TTF2: variants seen among roughly 807,000 people sequenced by gnomAD.
TTF2 encodes the protein transcription termination factor 2.
In TTF2, 108 loss-of-function variants were observed where a neutral mutation model predicts 142.4. That is an observed-to-expected ratio of 0.76 (90% CI 0.65 to 0.89). The LOEUF is 0.89. TTF2 is among the 40% of genes least tolerant of loss of function. The pLI, the probability that TTF2 is intolerant of heterozygous loss-of-function variation, is 0.00. For synonymous variants in TTF2, 483 were observed against 506.2 expected, an observed-to-expected ratio of 0.95 and a Z score of 0.61; for missense variants, 1,327 against 1,379.8, an observed-to-expected ratio of 0.96 and a Z score of 0.61.
chr1:117,077,783 A>T, intron 7 of TTF2, 133 bp from the exon 8 acceptor site: 1 of 1,250,012 alleles, frequency 8.0e-7, no homozygotes. Context: ...TGCTAGAGAC[A>T]TGGAAAGTTG....
intron 3 of TTF2, among the ~76,000 whole-genome samples, chr1:117,065,558 C>T (rs1357585658): frequency 3.3e-5 from 5 of 152,130 alleles, no homozygotes; most frequent in Admixed American, 1.3e-4. Flanking sequence ...GATCGCGCCA[C>T]CGCACTCCAG....
rs1294832038 is a variant in TTF2, at chr1:117,084,311, T to C, written c.2054+143T>C. ...AGACAGATCTTTAGTCTCGTCACCA[T>C]ACAGCCTTTGCGTTGTATCCTGAGG... is the stretch of plus-strand genomic sequence containing the variant. On this transcript the variant is annotated intron_variant, in intron 11 of 22. Transcript: ENST00000369466. The C allele has an allele frequency of 7.5e-6, 8 of 1,067,372 alleles. No homozygotes were observed. The Admixed American group carries it at 1.7e-4, about 23-fold the overall frequency. The allele number at this position is 1,067,372 out of a possible 1,614,324, so 66.1% of individuals were successfully genotyped here.
In TTF2 at chr1:117,093,918, G is replaced by A. The variant is rs1331658677; in HGVS notation, c.2976+1017G>A. Among the ~76,000 whole-genome samples the A allele has an allele frequency of 6.6e-6, 1 of 152,132 alleles. No individual in the cohort carries two copies. On this transcript the variant is annotated intron_variant, in intron 18 of 22. Coordinates refer to ENST00000369466, the MANE Select transcript of TTF2 (RefSeq NM_003594.4). This position sits in a 1 kb window ranked among gnomAD's most constrained non-coding sequence, Gnocchi z 4.5. ...TCTTACTGGAATTTGACCCCGGCTC[G>A]TGGGCCATAAATCCAGCCCTCCTGC...
rs1381915432 is a variant in TTF2, at chr1:117,077,919, A to T, written c.1577A>T (p.His526Leu). The part of the protein sequence containing the change: ...AGGSSQCYRG[H>L]TNQDHVHAVW... ...GGTAACACCTATTTGTATGCAGGCC[A>T]TACAAACCAAGATCACGTTCATGCA... Residue 526 changes from histidine to leucine, a missense_variant, in exon 8 of 23, where the codon CAT becomes CTT. Coordinates refer to ENST00000369466, the MANE Select transcript of TTF2 (RefSeq NM_003594.4). 4 of 1,614,178 alleles carry T rather than the reference A, an allele frequency of 2.5e-6. No homozygotes were observed. The highest frequency in any genetic ancestry group is 3.4e-6 in the Non-Finnish European group (4 of 1,179,998).
rs2101033279 is a variant in TTF2, at chr1:117,076,803, G to T, written c.1553G>T (p.Gly518Val). 5 of 1,613,286 alleles carry T rather than the reference G, an allele frequency of 3.1e-6. No individual in the cohort carries two copies. In the South Asian group the frequency reaches 5.5e-5, roughly 18 times the overall value. ...TCTGCCTGCCAGGTGACTGCTGGAG[G>T]ATCCAGTCAGTGCTATCGAGGTAAG... is the stretch of plus-strand genomic sequence containing the variant. ...LKSACQVTAG[G>V]SSQCYRGHTN... Residue 518 changes from glycine to valine, a missense_variant, in exon 7 of 23, where the codon GGA becomes GTA. Gly to Val is a moderately radical substitution (Grantham distance 109, BLOSUM62 -3). Transcript: ENST00000369466. This position sits in a 1 kb window ranked among gnomAD's most constrained non-coding sequence, Gnocchi z 4.6.
intron 8 of TTF2, 131 bp downstream of exon 8, chr1:117,078,174 T>C: frequency 8.3e-7 from 1 of 1,199,710 alleles, no homozygotes; most frequent in Non-Finnish European, 1.1e-6. Flanking sequence ...CCTTGCAGCA[T>C]CCTCTCCTTT....
At chr1:117,098,966 T>C in intron 22 of TTF2, 59 bp downstream of exon 22, 1 of 1,477,852 alleles carries the variant, frequency 6.8e-7, no homozygotes, top group Non-Finnish European at 9.3e-7. Context: ...TGAAAGTCTT[T>C]CTTTCTTAGG....
chr1:117,090,336 C>A lies in TTF2; in HGVS notation c.2496+128C>A, dbSNP rs894804828. 1 of 1,339,884 alleles carries A rather than the reference C, an allele frequency of 7.5e-7. No individual in the cohort carries two copies. Among genetic ancestry groups the A allele is most frequent in the Non-Finnish European group, 1.0e-6 (1 of 973,310 alleles). The allele number at this position is 1,339,884 out of a possible 1,614,324, so 83.0% of individuals were successfully genotyped here. On this transcript the variant is annotated intron_variant, in intron 14 of 22. Transcript: ENST00000369466. The surrounding 1 kb of genome is among the most constrained non-coding windows in gnomAD (Gnocchi z 4.8). ...AGTTTCCCATCCTCCTGTGAGGAGGCCCCAGGGTTGCAGTTCCATGCCTAG... is the reference window on the plus strand; with the variant it reads ...AGTTTCCCATCCTCCTGTGAGGAGGACCCAGGGTTGCAGTTCCATGCCTAG...
intron 8 of TTF2, 39 bp downstream of exon 8, chr1:117,078,082 A>G: frequency 6.3e-7 from 1 of 1,597,330 alleles, no homozygotes; most frequent in Non-Finnish European, 8.6e-7. Context: ...CCTCTATGAC[A>G]GTGCTCCAGC....
chr1:117,096,797 G>T (rs1194047551), intron 20 of TTF2, among the ~76,000 whole-genome samples: 2 of 152,196 alleles, frequency 1.3e-5, no homozygotes, highest in East Asian at 3.8e-4. Context: ...ATTCTAAAAA[G>T]AATCAAATAT....
In TTF2 at chr1:117,091,400, A is replaced by C. The variant is rs781000654; in HGVS notation, c.2661A>C (p.Pro887=). ...AATCTGGAAGAAGCCCTAATAATCC[A>C]TTCAGTAGAGGTAAGCTGTAGGACT... The part of the protein sequence containing the change: ...GNQSGRSPNN[P]FSRVALEFGS... Residue 887 remains proline, a synonymous_variant, in exon 16 of 23, where the codon CCA becomes CCC. Coordinates refer to ENST00000369466, the MANE Select transcript of TTF2 (RefSeq NM_003594.4). 70 of 1,612,996 alleles carry C rather than the reference A, an allele frequency of 4.3e-5. No individual in the cohort carries two copies. Among genetic ancestry groups the C allele is most frequent in the Non-Finnish European group, 6.8e-6 (8 of 1,179,794 alleles).
intron 22 of TTF2, 37 bp downstream of exon 22, chr1:117,098,944 A>C: frequency 6.4e-7 from 1 of 1,558,730 alleles, no homozygotes; most frequent in Non-Finnish European, 8.8e-7. Flanking sequence ...ACCCTTCTCA[A>C]CTTGTACTTT....
chr1:117,092,640 G>T lies in TTF2; in HGVS notation c.2806-91G>T. The T allele has an allele frequency of 7.0e-7, 1 of 1,423,128 alleles. No individual in the cohort carries two copies. Among genetic ancestry groups the T allele is most frequent in the South Asian group, 1.4e-5 (1 of 72,180 alleles). 88.2% of individuals were successfully genotyped at this position (1,423,128 alleles called of 1,614,324 possible). On this transcript the variant is annotated intron_variant, in intron 17 of 22. Transcript: ENST00000369466. The surrounding 1 kb of genome is among the most constrained non-coding windows in gnomAD (Gnocchi z 4.4). ...GACAAATTACAAGATATTTTGCTCTGTGAAGTGGTAAACAATCAAAACATC... is the reference window on the plus strand; with the variant it reads ...GACAAATTACAAGATATTTTGCTCTTTGAAGTGGTAAACAATCAAAACATC...
intron 3 of TTF2, among the ~76,000 whole-genome samples, chr1:117,065,457 G>A (rs1656018168): frequency 1.3e-5 from 2 of 152,194 alleles, no homozygotes. Flanking sequence ...AATTAGCCGG[G>A]CATGGTGGAA....
In TTF2 at chr1:117,079,499, GT is replaced by G; in HGVS notation, c.1702-68del. On this transcript the variant is annotated intron_variant, in intron 8 of 22. Transcript: ENST00000369466. The surrounding 1 kb of genome is among the most constrained non-coding windows in gnomAD (Gnocchi z 4.2). Reference sequence around the variant, plus strand: ...TAGAAAATAGGAGAGTGTAGAGTTCGTGTAGCCAGGCTCGGCATAGCCTCTC... The same window carrying G: ...TAGAAAATAGGAGAGTGTAGAGTTCGGTAGCCAGGCTCGGCATAGCCTCTC... 6.9e-7 allele frequency: 1 copy of G among 1,440,314 alleles called. No homozygotes were observed. The highest frequency in any genetic ancestry group is 1.1e-5 in the South Asian group (1 of 87,408). The allele number at this position is 1,440,314 out of a possible 1,614,324, so 89.2% of individuals were successfully genotyped here.
chr1:117,078,419 G>A (rs1390857230), intron 8 of TTF2, among the ~76,000 whole-genome samples: 2 of 152,154 alleles, frequency 1.3e-5, no homozygotes, highest in African/African-American at 2.4e-5. Context: ...ATACTATAAA[G>A]TACAAAAGGG....
In TTF2 at chr1:117,076,920, A is replaced by C. The variant is rs2101034201; in HGVS notation, c.1573+97A>C. On this transcript the variant is annotated intron_variant, in intron 7 of 22. Transcript: ENST00000369466. This position sits in a 1 kb window ranked among gnomAD's most constrained non-coding sequence, Gnocchi z 4.6. ...CACCTCTTATCCACACTTTCAGTTA[A>C]CCTTAGTCACCTGTGGTTCAAAAAA... 2 of 1,161,794 alleles carry C rather than the reference A, an allele frequency of 1.7e-6. No individual in the cohort carries two copies. Among genetic ancestry groups the C allele is most frequent in the Non-Finnish European group, 2.4e-6 (2 of 839,776 alleles). 72.0% of individuals were successfully genotyped at this position (1,161,794 alleles called of 1,614,324 possible).
chr1:117,095,445 A>G, intron 19 of TTF2, 78 bp downstream of exon 19: 1 of 1,355,766 alleles, frequency 7.4e-7, no homozygotes, highest in Non-Finnish European at 1.1e-6. Context: ...GTTATAAATC[A>G]AGGACTGTGA....
At position 117,090,786 on chromosome 1, in the gene TTF2, C is replaced by T. The variant is rs1648511072; in HGVS notation, c.2588+163C>T. ...TACCCCATTTTTCTCCTTCTCCCCT[C>T]CCCAGCTTACCTCTGTCTCATACAC... On this transcript the variant is annotated intron_variant, in intron 15 of 22. Coordinates refer to ENST00000369466, the MANE Select transcript of TTF2 (RefSeq NM_003594.4). This position sits in a 1 kb window ranked among gnomAD's most constrained non-coding sequence, Gnocchi z 4.8. Among the ~76,000 whole-genome samples the T allele has an allele frequency of 6.6e-6, 1 of 152,022 alleles. No homozygotes were observed. Among genetic ancestry groups the T allele is most frequent in the Non-Finnish European group, 1.5e-5 (1 of 68,002 alleles).
Sources: gnomAD v4.1 joint callset for allele counts (sites outside exome capture counted in the v4.1 genomes callset) on GRCh38, gnomAD v4.1.1 for gene constraint, Gnocchi (gnomAD v3.1) non-coding constraint, MANE v1.5 for transcripts, NCBI Gene and HGNC (gene_info 2026-07-23, HGNC 2026-07-21) for gene names.